Variants in RAD17 observed in about 807,000 individuals in gnomAD.
RAD17 encodes cell cycle checkpoint protein RAD17.
In RAD17, 31 loss-of-function variants were observed where a neutral mutation model predicts 81.5. The ratio of observed to expected loss-of-function variants is 0.38; its 90% CI spans 0.29 to 0.51. RAD17 has a LOEUF of 0.51. Ranked by LOEUF, RAD17 falls within the 20% of genes least tolerant of loss-of-function variation. The pLI is 0.88. For synonymous variants in RAD17, 261 were observed against 266.2 expected (o/e 0.98, Z 0.19); for missense variants, 681 against 781.2 (o/e 0.87, Z 1.53).
chr5:69,413,970 G>T, intron 18 of RAD17, 61 bp from the exon 19 acceptor site: 1 of 1,557,648 alleles, frequency 6.4e-7, no homozygotes, highest in Non-Finnish European at 8.7e-7. Flanking sequence ...TCACACTCAT[G>T]GTGTAATTTA....
At chr5:69,407,763 G>C (rs929849909) in intron 17 of RAD17, among the ~76,000 whole-genome samples, 1 of 151,866 alleles carries the variant, frequency 6.6e-6, no homozygotes, top group Non-Finnish European at 1.5e-5. Flanking sequence ...TGTTGGCCAG[G>C]CTGGCCTTGA....
chr5:69,381,783 A>C, intron 6 of RAD17, 118 bp from the exon 7 acceptor site: 2 of 731,298 alleles, frequency 2.7e-6, no homozygotes, highest in Non-Finnish European at 4.3e-6. Context: ...TAATGTGCTT[A>C]TATGAGACAT....
chr5:69,371,824 A>C (rs1232445886), intron 3 of RAD17, among the ~76,000 whole-genome samples: 2 of 152,188 alleles, frequency 1.3e-5, no homozygotes, highest in Non-Finnish European at 2.9e-5. Flanking sequence ...TATGAGTGGT[A>C]GTTGGTGTTA....
At chr5:69,398,667 G>T (rs1212144053) in intron 16 of RAD17, among the ~76,000 whole-genome samples, 1 of 151,740 alleles carries the variant, frequency 6.6e-6, no homozygotes, top group Non-Finnish European at 1.5e-5. Context: ...TTTGCCAGGT[G>T]TGGTGGTGCG....
At chr5:69,369,509 T>G, upstream of RAD17, 1 of 1,611,180 alleles carries the variant, frequency 6.2e-7, no homozygotes, top group Middle Eastern at 1.7e-4. Flanking sequence ...CCGCGACGGC[T>G]TCGGGCGCCT....
intron 17 of RAD17, among the ~76,000 whole-genome samples, chr5:69,402,745 A>AT (rs1425719571): frequency 5.3e-5 from 8 of 151,984 alleles, no homozygotes; most frequent in Admixed American, 5.2e-4. Flanking sequence ...TGATTATTAC[A>AT]TTTTTTACCA....
chr5:69,372,933 A>C (rs1340874793), intron 4 of RAD17, among the ~76,000 whole-genome samples: 1 of 152,146 alleles, frequency 6.6e-6, no homozygotes, highest in Non-Finnish European at 1.5e-5. Flanking sequence ...TCTGAGTGAC[A>C]GTTCCCCCTC....
At chr5:69,401,510 A>G (rs1421470636) in intron 17 of RAD17, among the ~76,000 whole-genome samples, 3 of 152,138 alleles carry the variant, frequency 2.0e-5, no homozygotes, top group Non-Finnish European at 2.9e-5. Context: ...TTTTCATTAT[A>G]TTTCTGTTAC....
At chr5:69,377,473 A>G (rs1474613255) in intron 6 of RAD17, among the ~76,000 whole-genome samples, 102 of 6,034 alleles carry the variant, frequency 0.017, no homozygotes, top group Non-Finnish European at 0.097. Flanking sequence ...ATATATATAT[A>G]TACACACACA....
intron 1 of RAD17, chr5:69,370,248 C>T (rs1762855660): frequency 6.5e-6 from 1 of 153,524 alleles, no homozygotes; most frequent in Non-Finnish European, 1.5e-5. Flanking sequence ...TCAGTAACCT[C>T]GCATCTTCAG....
chr5:69,414,117 C>A lies in RAD17; in HGVS notation c.1838C>A (p.Ser613Tyr). The change falls in exon 19 of 19, where the codon TCT becomes TAT. Residue 613 changes from serine (S) to tyrosine (Y), a missense_variant. Transcript: ENST00000354868. The stretch of plus-strand genomic sequence containing the variant: ...GAAGCCCAGCTTAATGGAGGACATT[C>A]TGCAGAGGAATCTCTGGGTGAACCC... ...GDEAQLNGGH[S>Y]AEESLGEPTQ... The A allele has an allele frequency of 1.2e-6, 2 of 1,614,240 alleles. No homozygotes were observed. The highest frequency in any genetic ancestry group is 1.7e-6 in the Non-Finnish European group (2 of 1,180,038).
At chr5:69,388,373 TCA>T (rs1200169255) in intron 11 of RAD17, among the ~76,000 whole-genome samples, 1 of 152,216 alleles carries the variant, frequency 6.6e-6, no homozygotes. Context: ...TTTAATTTTA[TCA>T]CAGTCTGTTG....
intron 3 of RAD17, 55 bp downstream of exon 3, chr5:69,371,612 TTATA>T (rs1763008668): frequency 1.0e-6 from 1 of 982,556 alleles, no homozygotes; most frequent in Non-Finnish European, 1.4e-6. Flanking sequence ...TTATAAATTT[TTATA>T]TATATTCTTA....
intron 6 of RAD17, among the ~76,000 whole-genome samples, chr5:69,378,854 G>A (rs1763672830): frequency 6.6e-6 from 1 of 152,146 alleles, no homozygotes; most frequent in South Asian, 2.1e-4. Flanking sequence ...CTACAAACCT[G>A]TATAGCTTGT....
At position 69,403,004 on chromosome 5, in the gene RAD17, T is replaced by A. The variant is rs181755798; in HGVS notation, c.1693+2835T>A. Among the ~76,000 whole-genome samples, 242 of 152,314 alleles carry A rather than the reference T, an allele frequency of 1.6e-3. 1 individual carries two copies. Among genetic ancestry groups the A allele is most frequent in the African/African-American group, 5.1e-3 (211 of 41,576 alleles). Reference sequence around the variant, plus strand: ...CAATTGTCCTAATAATATCCTTTTTTAATTATTTTTAATTAATAGAGATGG... The same window carrying A: ...CAATTGTCCTAATAATATCCTTTTTAAATTATTTTTAATTAATAGAGATGG... On this transcript the variant is annotated intron_variant, in intron 17 of 18. Coordinates refer to ENST00000354868, the MANE Select transcript of RAD17 (RefSeq NM_133338.3).
chr5:69,377,502 T>C (rs1763462080), intron 6 of RAD17, among the ~76,000 whole-genome samples: 1 of 104,442 alleles, frequency 9.6e-6, no homozygotes, highest in Non-Finnish European at 1.9e-5. Context: ...TATACGTATA[T>C]ATATGTATAT....
chr5:69,381,681 G>A (rs1763868457), intron 6 of RAD17, among the ~76,000 whole-genome samples: 1 of 152,008 alleles, frequency 6.6e-6, no homozygotes, highest in Non-Finnish European at 1.5e-5. Flanking sequence ...CATATTTGCA[G>A]ATGTTTTTGT....
chr5:69,406,025 G>A (rs550184801), intron 17 of RAD17, among the ~76,000 whole-genome samples: 26 of 136,248 alleles, frequency 1.9e-4, no homozygotes, highest in Non-Finnish European at 3.7e-4. Context: ...CTAGGTGACA[G>A]AGCCAGACTC....
Position 69,389,001 on chromosome 5 carries a change from T to TA in RAD17, c.895-32dup, listed in dbSNP as rs941400735. The TA allele has an allele frequency of 2.6e-6, 3 of 1,152,718 alleles. No individual in the cohort carries two copies. In the African/African-American group the frequency reaches 4.8e-5, roughly 19 times the overall value. 71.4% of individuals were successfully genotyped at this position (1,152,718 alleles called of 1,614,324 possible). ...TTTGTTGTTGTTATTTTTAAGAAAATACTTTTTTTTAAATTTAATTTTCTT... is the reference window on the plus strand; with the variant it reads ...TTTGTTGTTGTTATTTTTAAGAAAATAACTTTTTTTTAAATTTAATTTTCTT... On this transcript the variant is annotated intron_variant, in intron 11 of 18. Transcript: ENST00000354868.
Sources: allele counts gnomAD v4.1 joint callset (sites outside exome capture counted in the v4.1 genomes callset), GRCh38; gene constraint gnomAD v4.1.1; transcripts MANE v1.5; gene names NCBI Gene and HGNC (gene_info 2026-07-23, HGNC 2026-07-21).